MRPS5: variants seen among roughly 807,000 people sequenced by gnomAD.
The protein encoded by MRPS5 is mitochondrial ribosomal protein S5.
MRPS5 carries 27 observed loss-of-function variants against 51.9 expected under a neutral mutation model. The observed-to-expected ratio is 0.52, with a 90% confidence interval of 0.38 to 0.72. The LOEUF (loss-of-function observed/expected upper bound fraction) is 0.72. Among genes scored for constraint, MRPS5 ranks in the 30% least tolerant of loss-of-function variants. The pLI is 0.00. For missense variants in MRPS5, 570 were observed against 545.7 expected (o/e 1.04, Z -0.44); for synonymous variants, 196 against 193.2 (o/e 1.01, Z -0.12).
At chr2:95,105,008 G>A (rs182646828) in intron 6 of MRPS5, among the ~76,000 whole-genome samples, 2 of 152,244 alleles carry the variant, frequency 1.3e-5, no homozygotes, top group East Asian at 1.9e-4. Flanking sequence ...TATACATCTC[G>A]ATATACCCTA....
intron 3 of MRPS5, among the ~76,000 whole-genome samples, chr2:95,111,872 G>A (rs1676130921): frequency 6.6e-6 from 1 of 151,866 alleles, no homozygotes; most frequent in South Asian, 2.1e-4. Flanking sequence ...CAACATAATT[G>A]TGTAATGGCT....
At position 95,111,339 on chromosome 2, in the gene MRPS5, G is replaced by A. The variant is rs115616626; in HGVS notation, c.278-1298C>T. On this transcript the variant is annotated intron_variant, in intron 3 of 11. Transcript: ENST00000272418. Reference sequence around the variant, plus strand: ...AATGGTGGTACCTATAAATGCCATGGAAAACTTGAAAGTTCACTTGTAATG... The same window carrying A: ...AATGGTGGTACCTATAAATGCCATGAAAAACTTGAAAGTTCACTTGTAATG... Among the ~76,000 whole-genome samples, 1,447 of 152,258 alleles carry A rather than the reference G, an allele frequency of 9.5e-3. 25 individuals are homozygous for A. The highest frequency in any genetic ancestry group is 9.9e-3 in the Admixed American group (152 of 15,298).
rs1366203614 is a variant in MRPS5, at chr2:95,113,574, G to T, written c.277+1492C>A. Among the ~76,000 whole-genome samples, 7 of 152,230 alleles carry T rather than the reference G, an allele frequency of 4.6e-5. No homozygotes were observed. The East Asian group carries it at 1.4e-3, about 29-fold the overall frequency. ...AAAGTCAACTCTTAGAAAAAACTGG[G>T]GCTATGGATACTAAGAGGAGAGACT... On this transcript the variant is annotated intron_variant, in intron 3 of 11. Coordinates refer to ENST00000272418, the MANE Select transcript of MRPS5 (RefSeq NM_031902.5).
At chr2:95,087,860 G>A (rs1401793462) in intron 11 of MRPS5, among the ~76,000 whole-genome samples, 4 of 152,130 alleles carry the variant, frequency 2.6e-5, no homozygotes, top group Non-Finnish European at 4.4e-5. Flanking sequence ...GCACCATGCT[G>A]TGCCAAACAC....
intron 10 of MRPS5, 94 bp downstream of exon 10, chr2:95,100,380 G>T: frequency 1.1e-6 from 1 of 899,108 alleles, no homozygotes; most frequent in Non-Finnish European, 1.8e-6. Context: ...TCCAAGATGA[G>T]TTCAACTAAA....
Position 95,108,271 on chromosome 2 carries a change from G to T in MRPS5, c.541C>A (p.Arg181=). The change falls in exon 5 of 12, where the codon CGA becomes AGA. Residue 181 remains arginine, a synonymous_variant. Coordinates refer to ENST00000272418, the MANE Select transcript of MRPS5 (RefSeq NM_031902.5). The part of the protein sequence containing the change: ...DMIQQREEWD[R]KKKMKVKRER... ...CGTTTAACCTTCATCTTCTTCTTTC[G>T]GTCCCACTCTTCTCTCTGCTGGATC... 1 of 1,613,920 alleles carries T rather than the reference G, an allele frequency of 6.2e-7. No individual in the cohort carries two copies. The highest frequency in any genetic ancestry group is 8.5e-7 in the Non-Finnish European group (1 of 1,179,992).
In MRPS5 at chr2:95,110,554, G is replaced by A. The variant is rs562610279; in HGVS notation, c.278-513C>T. ...ACAGTGGCTCATTCCTGTAATCCCA[G>A]AACTGTGGGAGACTGAGGCAGGAGG... On this transcript the variant is annotated intron_variant, in intron 3 of 11. Coordinates refer to ENST00000272418, the MANE Select transcript of MRPS5 (RefSeq NM_031902.5). Among the ~76,000 whole-genome samples the A allele has an allele frequency of 1.6e-4, 25 of 152,330 alleles. No individual in the cohort carries two copies. In the South Asian group the frequency reaches 5.2e-3, roughly 32 times the overall value.
At chr2:95,099,137 C>G (rs797001491) in intron 10 of MRPS5, among the ~76,000 whole-genome samples, 25 of 151,528 alleles carry the variant, frequency 1.6e-4, no homozygotes, top group African/African-American at 5.8e-4. Flanking sequence ...CCAAGATGGT[C>G]TCAATCTCCG....
At chr2:95,115,326 AT>A in intron 2 of MRPS5, 123 bp from the exon 3 acceptor site, 1 of 952,302 alleles carries the variant, frequency 1.1e-6, no homozygotes, top group Non-Finnish European at 1.5e-6. Flanking sequence ...TAAGAATCAG[AT>A]TTTTAGGAGT....
At chr2:95,119,863 G>T (rs1205805231) in intron 1 of MRPS5, among the ~76,000 whole-genome samples, 2 of 152,130 alleles carry the variant, frequency 1.3e-5, no homozygotes, top group Non-Finnish European at 1.5e-5. Flanking sequence ...AGGAGTTAGA[G>T]ACCAGCCTCG....
intron 10 of MRPS5, among the ~76,000 whole-genome samples, chr2:95,095,941 C>G (rs527495435): frequency 6.6e-6 from 1 of 152,224 alleles, no homozygotes; most frequent in African/African-American, 2.4e-5. Context: ...AAAAGATCAA[C>G]AAAATTGATA....
At chr2:95,095,896 C>T (rs1558677664) in intron 10 of MRPS5, among the ~76,000 whole-genome samples, 1 of 151,962 alleles carries the variant, frequency 6.6e-6, no homozygotes, top group African/African-American at 2.4e-5. Context: ...AAAAAACCTT[C>T]AAAAAAATCA....
At chr2:95,104,085 A>T (rs1208935608) in intron 7 of MRPS5, 5 of 154,802 alleles carry the variant, frequency 3.2e-5, no homozygotes, top group African/African-American at 1.2e-4. Context: ...AGAAAATTTA[A>T]ATCATCAGCA....
At chr2:95,100,156 T>G (rs1469838651) in intron 10 of MRPS5, among the ~76,000 whole-genome samples, 3 of 152,156 alleles carry the variant, frequency 2.0e-5, no homozygotes, top group African/African-American at 7.2e-5. Context: ...CCTAAATGCA[T>G]CAATGAATTC....
At chr2:95,117,717 T>G in intron 2 of MRPS5, 148 bp downstream of exon 2, 1 of 645,690 alleles carries the variant, frequency 1.5e-6, no homozygotes, top group South Asian at 2.0e-5. Flanking sequence ...AGAATGTGAT[T>G]ATTGCAGTAA....
intron 10 of MRPS5, among the ~76,000 whole-genome samples, chr2:95,099,833 T>C (rs1279548104): frequency 1.3e-5 from 2 of 152,250 alleles, no homozygotes. Flanking sequence ...AAATTTTAAA[T>C]ATAATGTTTC....
chr2:95,118,053 GAGTA>G (rs1676340782), intron 1 of MRPS5, 108 bp from the exon 2 acceptor site: 3 of 784,964 alleles, frequency 3.8e-6, no homozygotes, highest in East Asian at 2.9e-5. Flanking sequence ...CAAGACGAGG[GAGTA>G]AGTAATTTCT....
intron 11 of MRPS5, among the ~76,000 whole-genome samples, chr2:95,087,890 C>T (rs1276182861): frequency 2.6e-5 from 4 of 152,092 alleles, no homozygotes; most frequent in Non-Finnish European, 4.4e-5. Flanking sequence ...ATCTCACCAA[C>T]CCCCTAGATC....
Position 95,117,849 on chromosome 2 carries a change from C to T in MRPS5, c.139+16G>A, listed in dbSNP as rs371939075. On this transcript the variant is annotated intron_variant, in intron 2 of 11. Transcript: ENST00000272418. Reference sequence around the variant, plus strand: ...TAGATCTTATGAGAAAAGGTAGTAGCATTAATGAATCTCACCATTGCCGAG... The same window carrying T: ...TAGATCTTATGAGAAAAGGTAGTAGTATTAATGAATCTCACCATTGCCGAG... 1 of 1,584,804 alleles carries T rather than the reference C, an allele frequency of 6.3e-7. No homozygotes were observed. Among genetic ancestry groups the T allele is most frequent in the African/African-American group, 1.4e-5 (1 of 73,282 alleles).
Sources: gnomAD v4.1 joint callset for allele counts (sites outside exome capture counted in the v4.1 genomes callset) on GRCh38, gnomAD v4.1.1 for gene constraint, MANE v1.5 for transcripts, NCBI Gene and HGNC (gene_info 2026-07-23, HGNC 2026-07-21) for gene names.